Variants in HIPK2 observed in about 807,000 individuals in gnomAD.
HIPK2 encodes homeodomain-interacting protein kinase 2.
In HIPK2, 27 loss-of-function variants were observed where a neutral mutation model predicts 113.7. The ratio of observed to expected loss-of-function variants is 0.24; its 90% CI spans 0.17 to 0.33. HIPK2 has a LOEUF of 0.33. Among genes scored for constraint, HIPK2 ranks in the 10% least tolerant of loss-of-function variants. The probability of loss-of-function intolerance (pLI) is 1.00; values close to 1 mark genes in which losing one functional copy is unlikely to be tolerated. For synonymous variants in HIPK2, 631 were observed against 642.2 expected, an observed-to-expected ratio of 0.98 and a Z score of 0.26; for missense variants, 1,257 against 1,588.0, an observed-to-expected ratio of 0.79 and a Z score of 3.54.
chr7:139,730,882 G>C (rs1170422041), intron 1 of HIPK2, among the ~76,000 whole-genome samples: 3 of 152,130 alleles, frequency 2.0e-5, no homozygotes, highest in Non-Finnish European at 2.9e-5. Flanking sequence ...CAGAGTGCGG[G>C]CCACACATCG....
At chr7:139,755,613 T>TC (rs1411529319) in intron 1 of HIPK2, among the ~76,000 whole-genome samples, 1 of 152,206 alleles carries the variant, frequency 6.6e-6, no homozygotes, top group African/African-American at 2.4e-5. Context: ...GTAAACACGC[T>TC]CAGAACTACC....
intron 7 of HIPK2, among the ~76,000 whole-genome samples, chr7:139,615,156 T>A (rs1327297971): frequency 6.6e-6 from 1 of 152,168 alleles, no homozygotes; most frequent in Non-Finnish European, 1.5e-5. Context: ...TACCCAGAGC[T>A]TGGCACAGGA....
In HIPK2 at chr7:139,671,426, C is replaced by T. The variant is rs117315698; in HGVS notation, c.1104-39701G>A. ...TTCTAACATTGTAATTGCCCTGCAC[C>T]TATCTTTACATGAGTCTCCATAAAC... On this transcript the variant is annotated intron_variant, in intron 2 of 14. Transcript: ENST00000406875. Among the ~76,000 whole-genome samples, 219 of 152,276 alleles carry T rather than the reference C, an allele frequency of 1.4e-3. 5 individuals carry two copies. In the East Asian group the frequency reaches 0.032, roughly 22 times the overall value.
chr7:139,573,072 C>A lies in HIPK2; in HGVS notation c.3452G>T (p.Arg1151Leu). The A allele has an allele frequency of 6.2e-7, 1 of 1,611,866 alleles. No individual in the cohort carries two copies. Among genetic ancestry groups the A allele is most frequent in the East Asian group, 2.2e-5 (1 of 44,784 alleles). Residue 1151 changes from arginine (R) to leucine (L), a missense_variant, in exon 15 of 15, where the codon CGG (arginine) becomes CTG (leucine). By Grantham distance (102) the Arg-to-Leu change is moderately radical. Coordinates refer to ENST00000406875, the MANE Select transcript of HIPK2 (RefSeq NM_022740.5). ...VHQVPVSMGPRVLPSPTIHPS... is the reference protein window; with the variant it reads ...VHQVPVSMGPLVLPSPTIHPS... Reference sequence around the variant, plus strand: ...GTGGATGGTGGGCGAGGGCAGGACCCGGGGGCCCATGCTCACGGGGACCTG... The same window carrying A: ...GTGGATGGTGGGCGAGGGCAGGACCAGGGGGCCCATGCTCACGGGGACCTG...
intron 1 of HIPK2, among the ~76,000 whole-genome samples, chr7:139,740,973 C>A (rs948070188): frequency 6.6e-6 from 1 of 152,074 alleles, no homozygotes; most frequent in African/African-American, 2.4e-5. Flanking sequence ...ATGGTGAAAC[C>A]CCACCTCTAC....
Position 139,575,287 on chromosome 7 carries a change from G to T in HIPK2, c.2967C>A (p.Val989=). The change falls in exon 14 of 15, where the codon GTC becomes GTA. Residue 989 remains valine (V), a splice_region_variant and synonymous_variant. Coordinates refer to ENST00000406875, the MANE Select transcript of HIPK2 (RefSeq NM_022740.5). ...VLVECDSLVP[V]NTSHHSSSYK... is the part of the protein sequence containing the mutation. ...AGGAGGACGAGTGGTGACTGGTGTT[G>T]ACTGTGGCGGGAGGAGAAAGAGGTC... 1 of 1,564,798 alleles carries T rather than the reference G, an allele frequency of 6.4e-7. No homozygotes were observed. Among genetic ancestry groups the T allele is most frequent in the South Asian group, 1.2e-5 (1 of 84,826 alleles).
chr7:139,723,027 C>T (rs996345036), intron 1 of HIPK2, among the ~76,000 whole-genome samples: 1 of 151,978 alleles, frequency 6.6e-6, no homozygotes, highest in Non-Finnish European at 1.5e-5. Context: ...CCATGCCCGG[C>T]TTCAAACCTA....
intron 10 of HIPK2, among the ~76,000 whole-genome samples, chr7:139,602,625 GAAAA>G (rs113890647): frequency 6.9e-6 from 1 of 145,934 alleles, no homozygotes; most frequent in Non-Finnish European, 1.5e-5. Context: ...AGGGGCGAGG[GAAAA>G]AAAAAAACCC....
rs1290947391 is a variant in HIPK2, at chr7:139,630,092, CA to C, written c.1348-1054del. 6.6e-6 allele frequency among the ~76,000 whole-genome samples: 1 copy of C among 151,626 alleles called. No homozygotes were observed. The highest frequency in any genetic ancestry group is 2.4e-5 in the African/African-American group (1 of 41,280). Reference sequence around the variant, plus strand: ...AAACAAACACCCACCCACCCTGCTGCAAAAAAAGAAATACCTAAAATGAAAC... The same window carrying C: ...AAACAAACACCCACCCACCCTGCTGCAAAAAAGAAATACCTAAAATGAAAC... On this transcript the variant is annotated intron_variant, in intron 4 of 14. Transcript: ENST00000406875. This position sits in a 1 kb window ranked among gnomAD's most constrained non-coding sequence, Gnocchi z 4.0.
chr7:139,597,174 C>A lies in HIPK2; in HGVS notation c.2436-176G>T, dbSNP rs534994067. On this transcript the variant is annotated intron_variant, in intron 11 of 14. Transcript: ENST00000406875. ...AGGGATCATTCAGTGAGCGGCTACACAGGCCTTCTCTGGGCTCTGGTTTGG... is the reference window on the plus strand; with the variant it reads ...AGGGATCATTCAGTGAGCGGCTACAAAGGCCTTCTCTGGGCTCTGGTTTGG... 74 of 235,518 alleles carry A rather than the reference C, an allele frequency of 3.1e-4. 1 individual carries two copies. Among genetic ancestry groups the A allele is most frequent in the African/African-American group, 1.4e-3 (61 of 43,144 alleles). 14.6% of individuals were successfully genotyped at this position (235,518 alleles called of 1,614,324 possible). A position where few individuals can be genotyped will look rare whatever the true frequency, so the allele number is the denominator to read the frequency against.
Position 139,646,383 on chromosome 7 carries a change from C to G in HIPK2, c.1104-14658G>C, listed in dbSNP as rs146878179. ...GGAGTGGTTGTACACACCTGTAGTC[C>G]CAGCTACTCAGGAGGCTGAGGTAAG... On this transcript the variant is annotated intron_variant, in intron 2 of 14. Coordinates refer to ENST00000406875, the MANE Select transcript of HIPK2 (RefSeq NM_022740.5). Among the ~76,000 whole-genome samples the G allele has an allele frequency of 2.6e-3, 392 of 151,780 alleles. 10 individuals are homozygous for G. In the East Asian group the frequency reaches 0.055, roughly 21 times the overall value.
intron 2 of HIPK2, among the ~76,000 whole-genome samples, chr7:139,640,521 G>C (rs188281779): frequency 6.1e-4 from 93 of 152,350 alleles, no homozygotes; most frequent in African/African-American, 2.1e-3. Flanking sequence ...AGGTTAAACA[G>C]AGCATCATAG....
At chr7:139,766,043 A>T (rs1796547639) in intron 1 of HIPK2, among the ~76,000 whole-genome samples, 1 of 152,230 alleles carries the variant, frequency 6.6e-6, no homozygotes, top group African/African-American at 2.4e-5. Flanking sequence ...TGTATTTACA[A>T]GTTGCCCTCT....
At chr7:139,767,150 T>C (rs941530175) in intron 1 of HIPK2, among the ~76,000 whole-genome samples, 5 of 152,250 alleles carry the variant, frequency 3.3e-5, no homozygotes, top group Admixed American at 2.0e-4. Flanking sequence ...TTGTTCTGAA[T>C]GTACTCTTCC....
At chr7:139,751,582 GGATGGATA>G (rs997276182) in intron 1 of HIPK2, among the ~76,000 whole-genome samples, 1 of 145,768 alleles carries the variant, frequency 6.9e-6, no homozygotes, top group Non-Finnish European at 1.5e-5. Flanking sequence ...ATGGATGGTT[GGATGGATA>G]GATGGATGGA....
rs888666427 is a variant in HIPK2, at chr7:139,777,805, GCGCCGCCGCCGC to G, written c.-194_-183del. The G allele has an allele frequency of 3.7e-5, 14 of 382,180 alleles. No homozygotes were observed. Among genetic ancestry groups the G allele is most frequent in the African/African-American group, 2.3e-4 (10 of 44,182 alleles). 23.7% of individuals were successfully genotyped at this position (382,180 alleles called of 1,614,324 possible). ...CCGGCGCCGGGGGAGGGGGCCGGGC[GCGCCGCCGCCGC>G]CGCCGCCGCCGCTGCCGCCCGGGCC... On this transcript the variant is annotated 5_prime_UTR_variant, in exon 1 of 15. Transcript: ENST00000406875.
intron 7 of HIPK2, among the ~76,000 whole-genome samples, 174 bp from the exon 8 acceptor site, chr7:139,614,667 C>T (rs1299578908): frequency 6.6e-6 from 1 of 152,134 alleles, no homozygotes; most frequent in African/African-American, 2.4e-5. Flanking sequence ...TTGAAAGTCG[C>T]AGGGAAAAGC....
At chr7:139,616,800 A>G (rs1800062155) in intron 7 of HIPK2, among the ~76,000 whole-genome samples, 1 of 152,206 alleles carries the variant, frequency 6.6e-6, no homozygotes, top group Admixed American at 6.5e-5. Flanking sequence ...GTTTTCCTCC[A>G]GCCTGCAGTG....
At chr7:139,586,203 A>C (rs1043097265) in intron 12 of HIPK2, among the ~76,000 whole-genome samples, 1 of 152,220 alleles carries the variant, frequency 6.6e-6, no homozygotes, top group African/African-American at 2.4e-5. Flanking sequence ...ATTTTAATTA[A>C]TAAAGACCCA....
Sources: gnomAD v4.1 joint callset for allele counts (sites outside exome capture counted in the v4.1 genomes callset) on GRCh38, gnomAD v4.1.1 for gene constraint, Gnocchi (gnomAD v3.1) non-coding constraint, MANE v1.5 for transcripts, NCBI Gene and HGNC (gene_info 2026-07-23, HGNC 2026-07-21) for gene names.